Variants in CILK1 observed in about 807,000 individuals in gnomAD.
CILK1 encodes ciliogenesis associated kinase 1.
In CILK1, 47 loss-of-function variants were observed where a neutral mutation model predicts 79.2. The observed-to-expected ratio is 0.59, with a 90% CI of 0.47 to 0.76. The LOEUF is 0.76. CILK1 is among the 30% of genes least tolerant of loss of function. The pLI is 0.00. For synonymous variants in CILK1, 266 were observed against 275.9 expected (o/e 0.96, Z 0.36); for missense variants, 660 against 769.5 (o/e 0.86, Z 1.68).
intron 4 of CILK1, 95 bp from the exon 5 acceptor site, chr6:53,031,239 AC>A: frequency 1.3e-6 from 1 of 787,206 alleles, no homozygotes; most frequent in Non-Finnish European, 2.2e-6. Context: ...CAGGGGAGCT[AC>A]CTTATAAACA....
intron 5 of CILK1, among the ~76,000 whole-genome samples, chr6:53,020,258 T>C (rs1359864842): frequency 1.3e-5 from 2 of 152,180 alleles, no homozygotes; most frequent in Admixed American, 6.5e-5. Flanking sequence ...CATGGCAATC[T>C]TCCAAGCTCA....
At chr6:53,049,240 A>C (rs1312146666) in intron 1 of CILK1, among the ~76,000 whole-genome samples, 1 of 152,272 alleles carries the variant, frequency 6.6e-6, no homozygotes, top group East Asian at 1.9e-4. Flanking sequence ...GGCTACACCC[A>C]CTTACAGTGG....
intron 1 of CILK1, among the ~76,000 whole-genome samples, chr6:53,046,207 C>A (rs1767064898): frequency 6.6e-6 from 1 of 152,172 alleles, no homozygotes; most frequent in Non-Finnish European, 1.5e-5. Flanking sequence ...TCTCTGAATC[C>A]TCACACATTT....
chr6:53,023,482 G>A (rs1765380626), intron 5 of CILK1, among the ~76,000 whole-genome samples: 1 of 152,178 alleles, frequency 6.6e-6, no homozygotes, highest in Non-Finnish European at 1.5e-5. Context: ...AAACCCATGA[G>A]ACAGCACTGA....
chr6:53,047,683 A>G (rs551368408), intron 1 of CILK1, among the ~76,000 whole-genome samples: 1 of 151,988 alleles, frequency 6.6e-6, no homozygotes, highest in South Asian at 2.1e-4. Context: ...GCATGAATAA[A>G]ATCCCTCTGG....
At chr6:53,045,730 A>G (rs1263934847) in intron 1 of CILK1, among the ~76,000 whole-genome samples, 1 of 148,324 alleles carries the variant, frequency 6.7e-6, no homozygotes, top group Non-Finnish European at 1.5e-5. Flanking sequence ...ATCCTCCATC[A>G]TTCATTATTT....
intron 5 of CILK1, among the ~76,000 whole-genome samples, chr6:53,020,569 G>A (rs1295188403): frequency 6.6e-6 from 1 of 152,068 alleles, no homozygotes; most frequent in East Asian, 1.9e-4. Flanking sequence ...TTTGGATTTC[G>A]GATTTTTGGG....
Position 53,001,420 on chromosome 6 carries a change from TCTTG to T in CILK1, c.*3725_*3728del, listed in dbSNP as rs1252792659. 1.3e-5 allele frequency: 2 copies of T among 152,302 alleles called. No homozygotes were observed. The highest frequency in any genetic ancestry group is 4.8e-5 in the African/African-American group (2 of 41,458). The allele number at this position is 152,302 out of a possible 1,614,324, so 9.4% of individuals were successfully genotyped here. A position where few individuals can be genotyped will look rare whatever the true frequency, so the allele number is the denominator to read the frequency against. ...AGCAACATTTTTTATTTCAGAAGGG[TCTTG>T]CTTAAGTGGTTTTCTGAATTCTTCT... On this transcript the variant is annotated 3_prime_UTR_variant, in exon 14 of 14. Transcript: ENST00000676107.
At chr6:53,033,933 C>T (rs1334845483) in intron 3 of CILK1, among the ~76,000 whole-genome samples, 3 of 152,198 alleles carry the variant, frequency 2.0e-5, no homozygotes, top group Non-Finnish European at 4.4e-5. Context: ...GGCAGGGAAT[C>T]CTCAGCTGTT....
chr6:53,042,872 G>C (rs1206893021), intron 1 of CILK1, among the ~76,000 whole-genome samples: 2 of 152,192 alleles, frequency 1.3e-5, no homozygotes, highest in Admixed American at 6.5e-5. Context: ...GTTGTTAGTA[G>C]TATTGTGCCA....
chr6:53,027,943 C>T (rs1026600643), intron 5 of CILK1, among the ~76,000 whole-genome samples: 12 of 152,136 alleles, frequency 7.9e-5, no homozygotes, highest in Admixed American at 6.5e-4. Flanking sequence ...GTCAGGAGAT[C>T]GAGAACATCC....
chr6:53,007,375 G>A (rs950663416), intron 12 of CILK1, among the ~76,000 whole-genome samples: 9 of 152,154 alleles, frequency 5.9e-5, no homozygotes, highest in African/African-American at 2.2e-4. Flanking sequence ...AATGGGAAGA[G>A]AATTTGAACA....
chr6:53,044,907 G>GA (rs1444106109), intron 1 of CILK1, among the ~76,000 whole-genome samples: 3 of 152,036 alleles, frequency 2.0e-5, no homozygotes, highest in South Asian at 2.1e-4. Flanking sequence ...CCAGAACTGT[G>GA]AAAAAAATAA....
At chr6:53,045,315 T>A (rs559746678) in intron 1 of CILK1, among the ~76,000 whole-genome samples, 17 of 152,324 alleles carry the variant, frequency 1.1e-4, no homozygotes, top group African/African-American at 3.6e-4. Flanking sequence ...TTTCCCCTTT[T>A]TCTTCTTTAT....
At chr6:53,021,345 G>A (rs535961926) in intron 5 of CILK1, among the ~76,000 whole-genome samples, 11 of 151,870 alleles carry the variant, frequency 7.2e-5, no homozygotes, top group Middle Eastern at 3.4e-3. Context: ...GGGGGGGTTG[G>A]GGGGGTAAAT....
chr6:53,013,822 G>C lies in CILK1; in HGVS notation c.992C>G (p.Thr331Arg). Residue 331 changes from threonine (T) to arginine (R), a missense_variant, in exon 9 of 14, where the codon ACA becomes AGA. Physicochemically the swap from Thr to Arg is moderately conservative, Grantham distance 71. Coordinates refer to ENST00000676107, the MANE Select transcript of CILK1 (RefSeq NM_014920.5). ...PPAQPPAKPH[T>R]RISSRQHQAS... is the part of the protein sequence containing the mutation. ...TTGATGCTGTCGTGAAGAAATTCGTGTGTGTGGCTTGGCTGGTGGCTGGGC... is the reference window on the plus strand; with the variant it reads ...TTGATGCTGTCGTGAAGAAATTCGTCTGTGTGGCTTGGCTGGTGGCTGGGC... 6.2e-7 allele frequency: 1 copy of C among 1,613,880 alleles called. No homozygotes were observed. Among genetic ancestry groups the C allele is most frequent in the South Asian group, 1.1e-5 (1 of 91,070 alleles).
intron 5 of CILK1, among the ~76,000 whole-genome samples, chr6:53,030,354 A>G: frequency 6.6e-6 from 1 of 152,228 alleles, no homozygotes; most frequent in African/African-American, 2.4e-5. Flanking sequence ...TAAAGGGTCC[A>G]TGAAAAAAGC....
chr6:53,006,263 T>C, intron 13 of CILK1, 52 bp downstream of exon 13: 1 of 1,577,322 alleles, frequency 6.3e-7, no homozygotes, highest in Non-Finnish European at 8.7e-7. Context: ...AAAGCAGTTG[T>C]TGAGTAACCA....
intron 13 of CILK1, 68 bp from the exon 14 acceptor site, chr6:53,005,371 A>G (rs1341463116): frequency 3.9e-6 from 6 of 1,549,518 alleles, no homozygotes; most frequent in Admixed American, 3.4e-5. Context: ...AAATAAATGC[A>G]TTTTGGTGAC....
Sources: allele counts gnomAD v4.1 joint callset (sites outside exome capture counted in the v4.1 genomes callset), GRCh38; gene constraint gnomAD v4.1.1; transcripts MANE v1.5; gene names NCBI Gene and HGNC (gene_info 2026-07-23, HGNC 2026-07-21).